Variants in MSTO1 observed in about 807,000 individuals in gnomAD.
The protein encoded by MSTO1 is protein misato homolog 1.
A neutral mutation model predicts 55.7 loss-of-function variants in MSTO1; 24 were observed. The observed-to-expected ratio is 0.43, with a 90% confidence interval of 0.31 to 0.61. The LOEUF is 0.61. Among genes scored for constraint, MSTO1 ranks in the 20% least tolerant of loss-of-function variants. MSTO1 has a pLI of 0.09. For synonymous variants in MSTO1, 162 were observed against 252.8 expected, an observed-to-expected ratio of 0.64 and a Z score of 3.41; for missense variants, 363 against 625.7, an observed-to-expected ratio of 0.58 and a Z score of 4.48.
the MSTO1 span, among the ~76,000 whole-genome samples, chr1:155,604,654 T>C: frequency 1.3e-5 from 2 of 151,868 alleles, no homozygotes; most frequent in African/African-American, 2.4e-5. Flanking sequence ...GGCAGGAGGA[T>C]TGCTTGAGCC....
chr1:155,568,816 G>A, the MSTO1 span, among the ~76,000 whole-genome samples: 1 of 150,916 alleles, frequency 6.6e-6, no homozygotes, highest in Non-Finnish European at 1.5e-5. Context: ...TTGAGCTACT[G>A]CCCCCGGCCT....
Position 155,614,645 on chromosome 1 carries a change from G to C in MSTO1, c.*372G>C, listed in dbSNP as rs1675223802. The C allele has an allele frequency of 8.0e-7, 1 of 1,255,830 alleles. No homozygotes were observed. The highest frequency in any genetic ancestry group is 1.2e-6 in the Non-Finnish European group (1 of 859,496). The allele number at this position is 1,255,830 out of a possible 1,614,324, so 77.8% of individuals were successfully genotyped here. A position where few individuals can be genotyped will look rare whatever the true frequency, so the allele number is the denominator to read the frequency against. On this transcript the variant is annotated 3_prime_UTR_variant, in exon 14 of 14. Transcript: ENST00000245564. ...TAAACTGGGCTCAAGGACTGTACAA[G>C]CAGAGTACAACTACCCGCCTCCCCG... is the stretch of plus-strand genomic sequence containing the variant.
At chr1:155,601,600 T>C in the MSTO1 span, among the ~76,000 whole-genome samples, 7 of 151,988 alleles carry the variant, frequency 4.6e-5, no homozygotes, top group Non-Finnish European at 1.0e-4. Flanking sequence ...CCTTCTAGCC[T>C]GGGCAACAGA....
At chr1:155,610,185 G>C (rs1402949019), upstream of MSTO1, 22 of 984,492 alleles carry the variant, frequency 2.2e-5, no homozygotes, top group Non-Finnish European at 3.3e-5. Flanking sequence ...CGCCTGCCAA[G>C]CCAATCGGCT....
upstream of MSTO1, among the ~76,000 whole-genome samples, chr1:155,609,243 A>ATATAT (rs59756178): frequency 6.4e-4 from 35 of 54,578 alleles, no homozygotes; most frequent in African/African-American, 1.6e-3. Context: ...ATATATATAT[A>ATATAT]TTTTTTTTTT....
chr1:155,608,711 C>A (rs1489705957), upstream of MSTO1, among the ~76,000 whole-genome samples: 1 of 151,810 alleles, frequency 6.6e-6, no homozygotes, highest in Non-Finnish European at 1.5e-5. Flanking sequence ...ACCGTGTTAG[C>A]CAGGATGGTC....
At chr1:155,609,243 A>AT (rs1185140621), upstream of MSTO1, among the ~76,000 whole-genome samples, 375 of 54,540 alleles carry the variant, frequency 6.9e-3, 14 homozygotes, top group African/African-American at 0.012. Flanking sequence ...ATATATATAT[A>AT]TTTTTTTTTT....
the MSTO1 span, among the ~76,000 whole-genome samples, chr1:155,566,846 C>G: frequency 6.6e-6 from 1 of 151,874 alleles, no homozygotes; most frequent in Admixed American, 6.6e-5. Context: ...AACTCCCGAC[C>G]TCAGGTGATC....
the MSTO1 span, chr1:155,563,750 C>T: frequency 2.8e-6 from 1 of 359,676 alleles, no homozygotes; most frequent in South Asian, 2.1e-5. Flanking sequence ...AATTAGGCAA[C>T]TCCAAACATG....
the MSTO1 span, among the ~76,000 whole-genome samples, chr1:155,584,478 G>A: frequency 6.6e-6 from 1 of 151,794 alleles, no homozygotes; most frequent in East Asian, 1.9e-4. Context: ...ACCAGCCTGG[G>A]CACCATAGGA....
chr1:155,598,698 G>T, the MSTO1 span: 5 of 445,704 alleles, frequency 1.1e-5, no homozygotes, highest in African/African-American at 2.1e-5. Context: ...TTCCAGCCTG[G>T]AGAACAGAGC....
chr1:155,614,627 G>T lies in MSTO1; in HGVS notation c.*354G>T, dbSNP rs1675220216. 6.4e-6 allele frequency: 6 copies of T among 935,170 alleles called. No homozygotes were observed. Among genetic ancestry groups the T allele is most frequent in the Non-Finnish European group, 8.6e-6 (5 of 578,890 alleles). 57.9% of individuals were successfully genotyped at this position (935,170 alleles called of 1,614,324 possible). A position where few individuals can be genotyped will look rare whatever the true frequency, so the allele number is the denominator to read the frequency against. On this transcript the variant is annotated 3_prime_UTR_variant, in exon 14 of 14. Transcript: ENST00000245564. The stretch of plus-strand genomic sequence containing the variant: ...TCCTGCTCTCCAGATCTGTAAACTG[G>T]GCTCAAGGACTGTACAAGCAGAGTA...
the MSTO1 span, among the ~76,000 whole-genome samples, chr1:155,591,911 C>T: frequency 6.6e-6 from 1 of 152,012 alleles, no homozygotes; most frequent in Non-Finnish European, 1.5e-5. Flanking sequence ...TGAGACTGTC[C>T]GGGGCAATAT....
the MSTO1 span, among the ~76,000 whole-genome samples, chr1:155,593,891 C>T: frequency 2.0e-5 from 3 of 151,678 alleles, no homozygotes; most frequent in Non-Finnish European, 2.9e-5. Flanking sequence ...ATGGCATGAA[C>T]CCGGGAGGCG....
At chr1:155,581,371 A>G in the MSTO1 span, among the ~76,000 whole-genome samples, 5 of 152,244 alleles carry the variant, frequency 3.3e-5, no homozygotes, top group Non-Finnish European at 5.9e-5. Flanking sequence ...CAGTTGAAAA[A>G]TATTGGAGAA....
At chr1:155,579,350 CA>C in the MSTO1 span, among the ~76,000 whole-genome samples, 5 of 149,386 alleles carry the variant, frequency 3.3e-5, no homozygotes, top group East Asian at 1.9e-4. Flanking sequence ...AACAAACAAA[CA>C]AAAAACCCAA....
At chr1:155,577,744 C>T in the MSTO1 span, among the ~76,000 whole-genome samples, 1 of 152,070 alleles carries the variant, frequency 6.6e-6, no homozygotes, top group South Asian at 2.1e-4. Context: ...TTGAGATCAG[C>T]TTCAAAAGTT....
the MSTO1 span, chr1:155,598,817 T>C: frequency 1.2e-4 from 153 of 1,288,032 alleles, no homozygotes; most frequent in Non-Finnish European, 1.5e-4. Flanking sequence ...ACAACATATA[T>C]TTTAGATGGA....
At chr1:155,587,163 C>T in the MSTO1 span, among the ~76,000 whole-genome samples, 135 of 152,262 alleles carry the variant, frequency 8.9e-4, 1 homozygote, top group Admixed American at 8.8e-3. Flanking sequence ...TGTGTTTGGC[C>T]GGGCGCCGTG....
Sources: gnomAD v4.1 joint callset for allele counts (sites outside exome capture counted in the v4.1 genomes callset) on GRCh38, gnomAD v4.1.1 for gene constraint, MANE v1.5 for transcripts, NCBI Gene and HGNC (gene_info 2026-07-23, HGNC 2026-07-21) for gene names.